Variants in SNTG2 observed in about 807,000 individuals in gnomAD.
SNTG2 encodes gamma-2-syntrophin.
SNTG2 carries 74 observed loss-of-function variants against 70.9 expected under a neutral mutation model. That is an observed-to-expected ratio of 1.04 (90% CI 0.86 to 1.27). SNTG2 has a LOEUF of 1.27. SNTG2 is among the 50% of genes most tolerant of loss of function. SNTG2 has a pLI of 0.00. For synonymous variants in SNTG2, 278 were observed against 273.8 expected (o/e 1.02, Z -0.15); for missense variants, 717 against 690.7 (o/e 1.04, Z -0.43).
intron 9 of SNTG2, among the ~76,000 whole-genome samples, chr2:1,209,482 G>GA (rs2147993446): frequency 6.6e-6 from 1 of 152,322 alleles, no homozygotes; most frequent in African/African-American, 2.4e-5. Flanking sequence ...TACTTCTCAT[G>GA]AACCAGTCAT....
intron 6 of SNTG2, among the ~76,000 whole-genome samples, chr2:1,150,807 C>G (rs150960570): frequency 6.6e-6 from 1 of 152,128 alleles, no homozygotes; most frequent in Non-Finnish European, 1.5e-5. Flanking sequence ...AAGGGAAGAC[C>G]AGACCTCTCA....
chr2:1,076,100 C>G (rs971982145), intron 1 of SNTG2, among the ~76,000 whole-genome samples: 1 of 152,146 alleles, frequency 6.6e-6, no homozygotes, highest in Admixed American at 6.6e-5. Context: ...ATTGGTCACG[C>G]AAAAATCTTC....
chr2:1,099,360 C>T (rs1264693751), intron 4 of SNTG2, among the ~76,000 whole-genome samples: 1 of 152,216 alleles, frequency 6.6e-6, no homozygotes, highest in Non-Finnish European at 1.5e-5. Flanking sequence ...CTGCAGGGGA[C>T]CCCTGGCTGT....
rs527734737 is a variant in SNTG2, at chr2:1,182,069, A to G, written c.591+8886A>G. On this transcript the variant is annotated intron_variant, in intron 8 of 16. Coordinates refer to ENST00000308624, the MANE Select transcript of SNTG2 (RefSeq NM_018968.4). ...TGGTTAGTGTGCAGCTTTCCTTCAA[A>G]GGGTGCATAGAGGGCTGCCTCCCTG... 2.6e-5 allele frequency among the ~76,000 whole-genome samples: 4 copies of G among 152,282 alleles called. No homozygotes were observed. In the South Asian group the frequency reaches 8.3e-4, roughly 32 times the overall value.
At chr2:1,098,859 G>T in intron 4 of SNTG2, among the ~76,000 whole-genome samples, 1 of 152,092 alleles carries the variant, frequency 6.6e-6, no homozygotes. Context: ...AACGCCGTCC[G>T]TTCTGCACTT....
intron 1 of SNTG2, among the ~76,000 whole-genome samples, chr2:1,025,829 G>C (rs1018160045): frequency 6.6e-6 from 1 of 152,186 alleles, no homozygotes; most frequent in Admixed American, 6.5e-5. Flanking sequence ...TGCAGATGTG[G>C]ATATTTTTGT....
intron 8 of SNTG2, among the ~76,000 whole-genome samples, chr2:1,208,283 A>G (rs1219743085): frequency 1.3e-5 from 1 of 75,030 alleles, no homozygotes; most frequent in Non-Finnish European, 2.7e-5. Flanking sequence ...TGTGGGGCAC[A>G]CCTGTGAGTG....
intron 1 of SNTG2, among the ~76,000 whole-genome samples, chr2:1,028,134 A>T (rs894091617): frequency 1.3e-5 from 2 of 150,798 alleles, no homozygotes; most frequent in African/African-American, 4.9e-5. Context: ...GAGTAAAGAG[A>T]TAAGCAGGTG....
In SNTG2 at chr2:1,004,748, T is replaced by C. The variant is rs114304377; in HGVS notation, c.72+53680T>C. On this transcript the variant is annotated intron_variant, in intron 1 of 16. Coordinates refer to ENST00000308624, the MANE Select transcript of SNTG2 (RefSeq NM_018968.4). Reference sequence around the variant, plus strand: ...TGGTGAAGTCATTTTGGAAGACAGTTTGGTGGTTTCTTACTTTGCTAAACA... The same window carrying C: ...TGGTGAAGTCATTTTGGAAGACAGTCTGGTGGTTTCTTACTTTGCTAAACA... Among the ~76,000 whole-genome samples, 240 of 152,302 alleles carry C rather than the reference T, an allele frequency of 1.6e-3. 4 individuals carry two copies. The South Asian group carries it at 0.019, about 12-fold the overall frequency.
At chr2:980,934 T>A (rs913891618) in intron 1 of SNTG2, among the ~76,000 whole-genome samples, 1 of 152,180 alleles carries the variant, frequency 6.6e-6, no homozygotes, top group Non-Finnish European at 1.5e-5. Context: ...GACAGCCCAA[T>A]TACCTAGCCC....
chr2:1,294,491 TGAGTTTCTAGAATGATTACCTTA>T (rs1238221331), intron 14 of SNTG2, among the ~76,000 whole-genome samples: 1 of 152,236 alleles, frequency 6.6e-6, no homozygotes, highest in Non-Finnish European at 1.5e-5. Context: ...AGAAAGTAGA[TGAGTTTCTAGAATGATTACCTTA>T]GAGGGACAGA....
chr2:1,067,304 C>T (rs529538488), intron 1 of SNTG2, among the ~76,000 whole-genome samples: 1 of 152,070 alleles, frequency 6.6e-6, no homozygotes, highest in Non-Finnish European at 1.5e-5. Context: ...ATGTTTATAA[C>T]ATCACCGGTT....
At chr2:1,257,495 T>G (rs540009204) in intron 12 of SNTG2, among the ~76,000 whole-genome samples, 12 of 152,222 alleles carry the variant, frequency 7.9e-5, no homozygotes, top group African/African-American at 2.6e-4. Flanking sequence ...GAAAGGGGCT[T>G]AATAAACAGA....
intron 1 of SNTG2, among the ~76,000 whole-genome samples, chr2:1,046,412 G>A (rs1192080997): frequency 2.6e-5 from 4 of 152,098 alleles, no homozygotes; most frequent in Non-Finnish European, 5.9e-5. Flanking sequence ...TTATTAGGTA[G>A]TTGTTATGTA....
intron 1 of SNTG2, among the ~76,000 whole-genome samples, chr2:1,070,006 G>A (rs548106729): frequency 1.3e-5 from 2 of 152,016 alleles, no homozygotes; most frequent in Admixed American, 1.3e-4. Context: ...CAGAACCCGC[G>A]GCCCCCCACG....
intron 6 of SNTG2, among the ~76,000 whole-genome samples, chr2:1,154,956 C>CCCCA (rs1553340291): frequency 6.8e-6 from 1 of 146,880 alleles, no homozygotes; most frequent in Non-Finnish European, 1.5e-5. Flanking sequence ...TAAACTCACA[C>CCCCA]CACACACAAA....
At chr2:1,336,683 C>A (rs1007363485) in intron 16 of SNTG2, among the ~76,000 whole-genome samples, 9 of 152,102 alleles carry the variant, frequency 5.9e-5, no homozygotes, top group Non-Finnish European at 8.8e-5. Context: ...ATGTGAATAT[C>A]CAGTTTTCCC....
chr2:1,131,488 C>G (rs1184564160), intron 4 of SNTG2, among the ~76,000 whole-genome samples: 2 of 152,072 alleles, frequency 1.3e-5, no homozygotes, highest in East Asian at 1.9e-4. Context: ...ATCTACAGAT[C>G]GTTAAAGTGA....
chr2:1,181,043 A>G (rs1286336801), intron 8 of SNTG2, among the ~76,000 whole-genome samples: 1 of 152,126 alleles, frequency 6.6e-6, no homozygotes, highest in Non-Finnish European at 1.5e-5. Context: ...CAGGAAGGGG[A>G]ACATCAAACT....
Sources: gnomAD v4.1 joint callset for allele counts (sites outside exome capture counted in the v4.1 genomes callset) on GRCh38, gnomAD v4.1.1 for gene constraint, MANE v1.5 for transcripts, NCBI Gene and HGNC (gene_info 2026-07-23, HGNC 2026-07-21) for gene names.